RSF1: variants seen among roughly 807,000 people sequenced by gnomAD.
RSF1 encodes remodeling and spacing factor 1, also known as HBV pX-associated protein 8.
A neutral mutation model predicts 145.2 loss-of-function variants in RSF1; 13 were observed. The ratio of observed to expected loss-of-function variants is 0.09; its 90% CI spans 0.06 to 0.14. RSF1 has a LOEUF of 0.14. Ranked by LOEUF, RSF1 falls within the 10% of genes least tolerant of loss-of-function variation. RSF1 has a pLI of 1.00. For missense variants in RSF1, 1,517 were observed against 1,718.2 expected (o/e 0.88, Z 2.07); for synonymous variants, 577 against 592.6 (o/e 0.97, Z 0.38).
At chr11:77,782,535 C>A (rs148911276) in intron 1 of RSF1, among the ~76,000 whole-genome samples, 1 of 149,590 alleles carries the variant, frequency 6.7e-6, no homozygotes, top group South Asian at 2.1e-4. Flanking sequence ...GGCGAGAATC[C>A]GTCTCAAAAA....
intron 2 of RSF1, among the ~76,000 whole-genome samples, chr11:77,755,380 G>C (rs1000199003): frequency 2.0e-5 from 3 of 152,136 alleles, no homozygotes; most frequent in Non-Finnish European, 2.9e-5. Context: ...GATTTATCAA[G>C]GTTCCTTGGC....
chr11:77,759,427 A>T (rs1329308356), intron 2 of RSF1, among the ~76,000 whole-genome samples: 1 of 152,226 alleles, frequency 6.6e-6, no homozygotes, highest in Non-Finnish European at 1.5e-5. Flanking sequence ...CACACCTGTA[A>T]TCCCAGCATT....
chr11:77,689,539 G>A (rs1960095298), intron 9 of RSF1, among the ~76,000 whole-genome samples: 1 of 152,140 alleles, frequency 6.6e-6, no homozygotes, highest in African/African-American at 2.4e-5. Context: ...CAAATCCTAT[G>A]AGAACTAAAA....
the RSF1 span, among the ~76,000 whole-genome samples, chr11:77,828,683 A>G: frequency 3.2e-4 from 48 of 152,138 alleles, no homozygotes; most frequent in East Asian, 1.2e-3. Context: ...AAAAAAAAAA[A>G]AAAGAAAGAA....
intron 7 of RSF1, among the ~76,000 whole-genome samples, chr11:77,696,477 T>C (rs1229233105): frequency 6.6e-6 from 1 of 152,230 alleles, no homozygotes; most frequent in Non-Finnish European, 1.5e-5. Flanking sequence ...GGATTATCCT[T>C]AAGCACTTGG....
rs111817368 is a variant in RSF1 at position 77,746,666 on chromosome 11, C to T, written c.372+370G>A. 3.0e-3 allele frequency among the ~76,000 whole-genome samples: 451 copies of T among 152,178 alleles called. 2 individuals carry two copies. The highest frequency in any genetic ancestry group is 0.01 in the African/African-American group (429 of 41,514). ...TTTGGTTATGTGAGGGTTTTAAGTA[C>T]GAAATGACATGCTCCTAGTCATCCA... On this transcript the variant is annotated intron_variant, in intron 3 of 15. Coordinates refer to ENST00000308488, the MANE Select transcript of RSF1 (RefSeq NM_016578.4).
upstream of RSF1, among the ~76,000 whole-genome samples, chr11:77,821,652 A>G (rs1045698724): frequency 3.9e-5 from 6 of 151,912 alleles, no homozygotes; most frequent in Admixed American, 6.6e-5. Context: ...CTGGGACTCC[A>G]TTGAGAGGCG....
intron 1 of RSF1, among the ~76,000 whole-genome samples, chr11:77,815,040 G>A (rs892755470): frequency 6.6e-6 from 1 of 152,222 alleles, no homozygotes; most frequent in Non-Finnish European, 1.5e-5. Context: ...AATGGCTAAA[G>A]GTGGTGTGAC....
At chr11:77,711,307 A>G (rs991002782) in intron 5 of RSF1, among the ~76,000 whole-genome samples, 1 of 152,198 alleles carries the variant, frequency 6.6e-6, no homozygotes, top group African/African-American at 2.4e-5. Context: ...GTCTCAAATT[A>G]TATACAAAAC....
At chr11:77,783,630 C>A (rs1948426366) in intron 1 of RSF1, among the ~76,000 whole-genome samples, 1 of 152,032 alleles carries the variant, frequency 6.6e-6, no homozygotes, top group African/African-American at 2.4e-5. Flanking sequence ...TTGCTTGAGC[C>A]CAGGAGTTTG....
chr11:77,867,240 CT>C, the RSF1 span, among the ~76,000 whole-genome samples: 1 of 152,186 alleles, frequency 6.6e-6, no homozygotes, highest in Non-Finnish European at 1.5e-5. Context: ...TTTGTTATCT[CT>C]TTGATAATTT....
intron 4 of RSF1, among the ~76,000 whole-genome samples, chr11:77,737,623 T>C (rs1258405828): frequency 2.2e-5 from 1 of 44,622 alleles, no homozygotes; most frequent in Non-Finnish European, 5.3e-5. Context: ...TTTTGGGGGG[T>C]GTGTGTGTGT....
Position 77,702,098 on chromosome 11 carries a change from G to C in RSF1, c.1131C>G (p.Asp377Glu), listed in dbSNP as rs1434251253. Residue 377 changes from aspartate to glutamate, a missense_variant, in exon 6 of 16, where the codon GAC becomes GAG. Asp to Glu is a conservative substitution (Grantham distance 45). This residue lies in a region of RSF1 where 5 missense variants were observed against 23.6 expected (regional missense o/e 0.21). Transcript: ENST00000308488. The part of the protein sequence containing the change: ...STEETEKLKN[D>E]QQAKIPLKKR... ...TTTTTAGTGGTATCTTGGCCTGCTG[G>C]TCATTTTTAAGTTTCTCAGTTTCTT... 3.1e-6 allele frequency: 5 copies of C among 1,612,278 alleles called. No individual in the cohort carries two copies. Among genetic ancestry groups the C allele is most frequent in the Non-Finnish European group, 4.2e-6 (5 of 1,179,598 alleles).
chr11:77,757,898 G>A (rs1027385532), intron 2 of RSF1, among the ~76,000 whole-genome samples: 1 of 152,168 alleles, frequency 6.6e-6, no homozygotes, highest in Non-Finnish European at 1.5e-5. Flanking sequence ...CACTCTGGAA[G>A]GCTGGGAGAT....
At chr11:77,787,219 GC>G (rs896752810) in intron 1 of RSF1, among the ~76,000 whole-genome samples, 2 of 152,108 alleles carry the variant, frequency 1.3e-5, no homozygotes, top group Non-Finnish European at 2.9e-5. Context: ...AACAAGGCCT[GC>G]CCCCCAACAG....
At chr11:77,698,797 A>C (rs998788710) in intron 6 of RSF1, 104 bp from the exon 7 acceptor site, 17 of 898,394 alleles carry the variant, frequency 1.9e-5, no homozygotes, top group African/African-American at 1.7e-4. Flanking sequence ...CAATATACCA[A>C]AAAAAGAGGA....
chr11:77,777,225 T>C (rs1948351607), intron 1 of RSF1, among the ~76,000 whole-genome samples: 1 of 152,148 alleles, frequency 6.6e-6, no homozygotes, highest in African/African-American at 2.4e-5. Context: ...TCTTTGAAAA[T>C]AACCATAATA....
chr11:77,850,095 A>AT, the RSF1 span, among the ~76,000 whole-genome samples: 1 of 152,256 alleles, frequency 6.6e-6, no homozygotes, highest in South Asian at 2.1e-4. Context: ...TATAAATGTC[A>AT]TTAAACAAAC....
At chr11:77,840,717 C>T in the RSF1 span, among the ~76,000 whole-genome samples, 1 of 152,126 alleles carries the variant, frequency 6.6e-6, no homozygotes, top group Non-Finnish European at 1.5e-5. Context: ...CCCCAGGTAA[C>T]AGTTTCAGTT....
Sources: gnomAD v4.1 joint callset for allele counts (sites outside exome capture counted in the v4.1 genomes callset) on GRCh38, gnomAD v4.1.1 for gene constraint, gnomAD v4.1.1 regional missense constraint, MANE v1.5 for transcripts, NCBI Gene and HGNC (gene_info 2026-07-23, HGNC 2026-07-21) for gene names.